SEPTIN11: variants seen among roughly 807,000 people sequenced by gnomAD.
The protein encoded by SEPTIN11 is septin 11.
In SEPTIN11, 25 loss-of-function variants were observed where a neutral mutation model predicts 51.4. The observed-to-expected ratio is 0.49, with a 90% confidence interval of 0.35 to 0.68. The LOEUF is 0.68. SEPTIN11 is among the 30% of genes least tolerant of loss of function. The probability of loss-of-function intolerance (pLI) is 0.00; values close to 1 mark genes in which losing one functional copy is unlikely to be tolerated. For synonymous variants in SEPTIN11, 174 were observed against 184.1 expected, an observed-to-expected ratio of 0.95 and a Z score of 0.44; for missense variants, 381 against 520.8, an observed-to-expected ratio of 0.73 and a Z score of 2.61.
intron 1 of SEPTIN11, among the ~76,000 whole-genome samples, chr4:76,972,115 A>G (rs1347462133): frequency 2.0e-5 from 3 of 152,048 alleles, no homozygotes; most frequent in African/African-American, 7.3e-5. Flanking sequence ...TCACATCCTT[A>G]CCTTCCTCCA....
chr4:76,975,387 T>C (rs760922828), intron 1 of SEPTIN11, among the ~76,000 whole-genome samples: 20 of 152,198 alleles, frequency 1.3e-4, no homozygotes, highest in Non-Finnish European at 2.9e-4. Flanking sequence ...GCCATTCCCA[T>C]AGGTTTTTGT....
chr4:76,960,207 G>A (rs769296986), intron 1 of SEPTIN11, among the ~76,000 whole-genome samples: 7 of 152,156 alleles, frequency 4.6e-5, no homozygotes, highest in Admixed American at 6.5e-5. Flanking sequence ...TTTGACTTAC[G>A]TGGGTAGGCA....
intron 7 of SEPTIN11, among the ~76,000 whole-genome samples, chr4:77,025,764 G>A (rs1726086466): frequency 6.6e-6 from 1 of 152,154 alleles, no homozygotes; most frequent in South Asian, 2.1e-4. Flanking sequence ...TTGGGGTAAG[G>A]TTTTATGGCT....
chr4:77,022,541 C>T (rs1237213018), intron 7 of SEPTIN11, among the ~76,000 whole-genome samples: 1 of 152,148 alleles, frequency 6.6e-6, no homozygotes, highest in African/African-American at 2.4e-5. Flanking sequence ...AGCCATAGAC[C>T]ATACTGTAAA....
intron 8 of SEPTIN11, 69 bp downstream of exon 8, chr4:77,028,830 A>G: frequency 6.6e-7 from 1 of 1,510,796 alleles, no homozygotes; most frequent in Non-Finnish European, 8.9e-7. Context: ...ATCACGCTTT[A>G]GAGGACTTCA....
At chr4:77,026,026 A>G (rs1726113101) in intron 7 of SEPTIN11, among the ~76,000 whole-genome samples, 1 of 152,212 alleles carries the variant, frequency 6.6e-6, no homozygotes, top group Admixed American at 6.5e-5. Context: ...ATTTTCCATC[A>G]TGATCCAGCA....
At position 77,005,750 on chromosome 4, in the gene SEPTIN11, A is replaced by C. The variant is rs1005391417; in HGVS notation, c.292A>C (p.Ile98Leu). ...QESNVRLKLT[I>L]VDTVGFGDQI... The stretch of plus-strand genomic sequence containing the variant: ...AAGCAATGTACGGCTGAAGTTAACC[A>C]TTGTTGACACCGTGGGATTTGGAGA... Residue 98 changes from isoleucine (I) to leucine (L), a missense_variant, in exon 3 of 10, where the codon ATT becomes CTT. By Grantham distance (5) the Ile-to-Leu change is conservative. This residue lies in a region of SEPTIN11 where 184 missense variants were observed against 207.7 expected (regional missense o/e 0.89). Coordinates refer to ENST00000264893, the MANE Select transcript of SEPTIN11 (RefSeq NM_018243.4). The C allele has an allele frequency of 6.2e-7, 1 of 1,613,974 alleles. No homozygotes were observed. Among genetic ancestry groups the C allele is most frequent in the Non-Finnish European group, 8.5e-7 (1 of 1,179,914 alleles).
downstream of SEPTIN11, chr4:77,039,554 C>A (rs1407100901): frequency 2.0e-6 from 2 of 985,204 alleles, no homozygotes; most frequent in Non-Finnish European, 2.4e-6. Flanking sequence ...TCTGAACAGC[C>A]TGATCAGGAT....
At position 77,011,731 on chromosome 4, in the gene SEPTIN11, C is replaced by T; in HGVS notation, c.339-4C>T. 1 of 1,613,490 alleles carries T rather than the reference C, an allele frequency of 6.2e-7. No homozygotes were observed. Among genetic ancestry groups the T allele is most frequent in the Non-Finnish European group, 8.5e-7 (1 of 1,179,478 alleles). ...ACTAGAAACATGCTGTTTCTGCATTCTAGCTATAAGCCGATAGTAGAATAT... is the reference window on the plus strand; with the variant it reads ...ACTAGAAACATGCTGTTTCTGCATTTTAGCTATAAGCCGATAGTAGAATAT... On this transcript the variant is annotated splice_region_variant and splice_polypyrimidine_tract_variant and intron_variant, in intron 3 of 9. Coordinates refer to ENST00000264893, the MANE Select transcript of SEPTIN11 (RefSeq NM_018243.4).
At position 77,036,285 on chromosome 4, in the gene SEPTIN11, T is replaced by C. The variant is rs1014400529; in HGVS notation, c.*1773T>C. 9.9e-7 allele frequency: 1 copy of C among 1,008,776 alleles called. No individual in the cohort carries two copies. Among genetic ancestry groups the C allele is most frequent in the Non-Finnish European group, 1.2e-6 (1 of 844,904 alleles). The allele number at this position is 1,008,776 out of a possible 1,614,324, so 62.5% of individuals were successfully genotyped here. A position where few individuals can be genotyped will look rare whatever the true frequency, so the allele number is the denominator to read the frequency against. ...CATTCTTGTTTTTGCTTTTGTTTTT[T>C]TAAATAATTCTAGTCTGGAGCTAAC... On this transcript the variant is annotated 3_prime_UTR_variant, in exon 10 of 10. Coordinates refer to ENST00000264893, the MANE Select transcript of SEPTIN11 (RefSeq NM_018243.4).
Position 77,035,205 on chromosome 4 carries a change from G to A in SEPTIN11, c.*693G>A. The stretch of plus-strand genomic sequence containing the variant: ...GACTGGTATGAGAAAACTATGATTA[G>A]TTCACATTTACTGGTGCATCCTTGA... On this transcript the variant is annotated 3_prime_UTR_variant, in exon 10 of 10. Coordinates refer to ENST00000264893, the MANE Select transcript of SEPTIN11 (RefSeq NM_018243.4). 1.0e-6 allele frequency: 1 copy of A among 985,396 alleles called. No homozygotes were observed. The highest frequency in any genetic ancestry group is 1.2e-6 in the Non-Finnish European group (1 of 829,942). The allele number at this position is 985,396 out of a possible 1,614,324, so 61.0% of individuals were successfully genotyped here.
At chr4:76,993,838 C>G (rs1723511391) in intron 1 of SEPTIN11, among the ~76,000 whole-genome samples, 1 of 151,872 alleles carries the variant, frequency 6.6e-6, no homozygotes, top group Admixed American at 6.6e-5. Flanking sequence ...GTTTTATAAC[C>G]CTTCATTTTG....
At chr4:76,962,269 C>CT (rs1721853822) in intron 1 of SEPTIN11, among the ~76,000 whole-genome samples, 1 of 152,142 alleles carries the variant, frequency 6.6e-6, no homozygotes, top group Non-Finnish European at 1.5e-5. Flanking sequence ...AAGCCTTGGC[C>CT]TTTTGTCAAA....
intron 1 of SEPTIN11, chr4:76,995,908 G>A: frequency 6.5e-7 from 1 of 1,535,650 alleles, no homozygotes; most frequent in Non-Finnish European, 8.7e-7. Flanking sequence ...CAGCTCATGT[G>A]CTGAGAAGTT....
intron 1 of SEPTIN11, among the ~76,000 whole-genome samples, chr4:76,955,521 G>T (rs1721523508): frequency 6.6e-6 from 1 of 152,186 alleles, no homozygotes. Context: ...ACTCAGTTGT[G>T]CAGTGCATTC....
Position 77,037,607 on chromosome 4 carries a change from T to G in SEPTIN11, c.*3095T>G, listed in dbSNP as rs1578220353. On this transcript the variant is annotated 3_prime_UTR_variant, in exon 10 of 10. Coordinates refer to ENST00000264893, the MANE Select transcript of SEPTIN11 (RefSeq NM_018243.4). The stretch of plus-strand genomic sequence containing the variant: ...CTGCTGACAGTGGCCACCTCTTTTT[T>G]GGGGATTGAGGGGCCTACATAACTA... The G allele has an allele frequency of 1.0e-6, 1 of 985,458 alleles. No homozygotes were observed. Among genetic ancestry groups the G allele is most frequent in the Non-Finnish European group, 1.2e-6 (1 of 829,874 alleles). The allele number at this position is 985,458 out of a possible 1,614,324, so 61.0% of individuals were successfully genotyped here. A position where few individuals can be genotyped will look rare whatever the true frequency, so the allele number is the denominator to read the frequency against.
At chr4:76,965,314 G>A (rs889498402) in intron 1 of SEPTIN11, among the ~76,000 whole-genome samples, 31 of 151,878 alleles carry the variant, frequency 2.0e-4, no homozygotes, top group African/African-American at 6.8e-4. Flanking sequence ...AGCCAGGCGT[G>A]GTGGCGTGCA....
At chr4:76,956,333 G>A (rs1721557175) in intron 1 of SEPTIN11, among the ~76,000 whole-genome samples, 1 of 152,230 alleles carries the variant, frequency 6.6e-6, no homozygotes, top group Non-Finnish European at 1.5e-5. Flanking sequence ...ACAGGAAGAA[G>A]TTGTCAGTTA....
intron 1 of SEPTIN11, among the ~76,000 whole-genome samples, chr4:76,960,391 A>C (rs1721777002): frequency 6.6e-6 from 1 of 152,180 alleles, no homozygotes; most frequent in Non-Finnish European, 1.5e-5. Context: ...AGTTGTTGAT[A>C]ATCAAATTTG....
Sources: gnomAD v4.1 joint callset for allele counts (sites outside exome capture counted in the v4.1 genomes callset) on GRCh38, gnomAD v4.1.1 for gene constraint, gnomAD v4.1.1 regional missense constraint, MANE v1.5 for transcripts, NCBI Gene and HGNC (gene_info 2026-07-23, HGNC 2026-07-21) for gene names.